The following ASH1L variants were observed in gnomAD, a reference collection of about 807,000 sequenced individuals.
ASH1L encodes the protein histone-lysine N-methyltransferase ASH1L.
In ASH1L, 23 loss-of-function variants were observed where a neutral mutation model predicts 269.0. The ratio of observed to expected loss-of-function variants is 0.09; its 90% confidence interval spans 0.06 to 0.12. The LOEUF is 0.12. Ranked by LOEUF, ASH1L falls within the 10% of genes least tolerant of loss-of-function variation. ASH1L has a pLI of 1.00. For missense variants in ASH1L, 2,912 were observed against 3,567.8 expected (o/e 0.82, Z 4.68); for synonymous variants, 1,187 against 1,253.5 (o/e 0.95, Z 1.12).
At chr1:155,412,985 T>C (rs752481381) in intron 6 of ASH1L, among the ~76,000 whole-genome samples, 7 of 152,030 alleles carry the variant, frequency 4.6e-5, no homozygotes, top group Non-Finnish European at 7.4e-5. Flanking sequence ...TATTGTGATG[T>C]GACAGCAGAG....
At chr1:155,461,676 T>A (rs1278508332) in intron 3 of ASH1L, among the ~76,000 whole-genome samples, 1 of 151,992 alleles carries the variant, frequency 6.6e-6, no homozygotes, top group African/African-American at 2.4e-5. Context: ...TACAGACAGA[T>A]ACATATTTCC....
At chr1:155,386,382 A>G (rs1026087890) in intron 7 of ASH1L, among the ~76,000 whole-genome samples, 2 of 150,932 alleles carry the variant, frequency 1.3e-5, no homozygotes, top group Non-Finnish European at 3.0e-5. Context: ...GTCTTTAAAA[A>G]AATTTTATTA....
At chr1:155,394,457 A>C (rs1443169760) in intron 7 of ASH1L, among the ~76,000 whole-genome samples, 1 of 152,208 alleles carries the variant, frequency 6.6e-6, no homozygotes, top group Non-Finnish European at 1.5e-5. Flanking sequence ...TGGAAACACA[A>C]CTGGAAATAG....
intron 1 of ASH1L, among the ~76,000 whole-genome samples, chr1:155,551,227 T>C (rs188587198): frequency 1.2e-4 from 18 of 152,304 alleles, no homozygotes; most frequent in Admixed American, 1.1e-3. Flanking sequence ...AAGGACTAAC[T>C]ATCCAATGGA....
Position 155,477,961 on chromosome 1 carries a change from G to C in ASH1L, c.4909C>G (p.Gln1637Glu), listed in dbSNP as rs773209838. The C allele has an allele frequency of 6.2e-7, 1 of 1,614,200 alleles. No homozygotes were observed. The highest frequency in any genetic ancestry group is 2.2e-5 in the East Asian group (1 of 44,888). Reference protein sequence around the residue: ...LTDSPGLFSAQDTSLNRLHRK... With the variant: ...LTDSPGLFSAEDTSLNRLHRK... The stretch of plus-strand genomic sequence containing the variant: ...TGAAGCCGATTTAGTGAAGTGTCCT[G>C]TGCAGAAAAGAGTCCAGGGCTGTCA... Residue 1637 changes from glutamine (Q) to glutamate (E), a missense_variant, in exon 3 of 28, where the codon CAG becomes GAG. Gln to Glu is a conservative substitution (Grantham distance 29). Around this residue, in one of 13 missense-constraint regions of ASH1L, gnomAD observed 789 missense variants for 897.6 expected, o/e 0.88. Coordinates refer to ENST00000392403, the MANE Select transcript of ASH1L (RefSeq NM_018489.3).
intron 1 of ASH1L, among the ~76,000 whole-genome samples, chr1:155,524,800 A>T (rs934158017): frequency 6.6e-6 from 1 of 152,116 alleles, no homozygotes; most frequent in African/African-American, 2.4e-5. Flanking sequence ...TGATTGTACC[A>T]CTACACTCTA....
In ASH1L at chr1:155,478,964, C is replaced by T; in HGVS notation, c.3906G>A (p.Arg1302=). 1 of 1,613,628 alleles carries T rather than the reference C, an allele frequency of 6.2e-7. No individual in the cohort carries two copies. The highest frequency in any genetic ancestry group is 2.2e-5 in the East Asian group (1 of 44,876). The change falls in exon 3 of 28, where the codon CGG becomes CGA. Residue 1302 remains arginine, a synonymous_variant. Transcript: ENST00000392403. This position sits in a 1 kb window ranked among gnomAD's most constrained non-coding sequence, Gnocchi z 4.6. ...TAAAATGATGACTTCGATGAGTGAT[C>T]CGAATTTCACTTAGGCGACTTATTA... ...EELISRLSEI[R]ITHRSHHFIP... is the part of the protein sequence containing the mutation.
intron 4 of ASH1L, among the ~76,000 whole-genome samples, chr1:155,444,818 C>T (rs984022153): frequency 3.5e-5 from 5 of 143,102 alleles, no homozygotes; most frequent in Non-Finnish European, 7.4e-5. Context: ...GGGGTTTCAC[C>T]GTTTTAGCCG....
At chr1:155,484,649 C>T (rs1331864053) in intron 2 of ASH1L, among the ~76,000 whole-genome samples, 1 of 151,878 alleles carries the variant, frequency 6.6e-6, no homozygotes, top group African/African-American at 2.4e-5. Context: ...AGCAAGCCAG[C>T]CAGGCGCAGT....
chr1:155,348,806 G>A (rs573364322), intron 19 of ASH1L, among the ~76,000 whole-genome samples: 13 of 151,718 alleles, frequency 8.6e-5, no homozygotes, highest in African/African-American at 3.1e-4. Flanking sequence ...GCTTGAACCC[G>A]GGAGGTGGAG....
At chr1:155,443,557 C>T (rs1293713415) in intron 4 of ASH1L, among the ~76,000 whole-genome samples, 1 of 152,038 alleles carries the variant, frequency 6.6e-6, no homozygotes, top group Non-Finnish European at 1.5e-5. Context: ...TTTCTGTCAC[C>T]CTAAAAAGTT....
At chr1:155,492,620 G>A (rs913303946) in intron 2 of ASH1L, among the ~76,000 whole-genome samples, 1 of 151,476 alleles carries the variant, frequency 6.6e-6, no homozygotes, top group African/African-American at 2.4e-5. Flanking sequence ...ATTCTTATTC[G>A]TATTTGGATC....
chr1:155,352,807 G>A lies in ASH1L; in HGVS notation c.7265C>T (p.Thr2422Ile), dbSNP rs1338292426. 1 of 1,614,140 alleles carries A rather than the reference G, an allele frequency of 6.2e-7. No individual in the cohort carries two copies. The highest frequency in any genetic ancestry group is 2.2e-5 in the East Asian group (1 of 44,894). The change falls in exon 17 of 28, where the codon ACA becomes ATA. Residue 2422 changes from threonine (T) to isoleucine (I), a missense_variant. Physicochemically the swap from Thr to Ile is moderately conservative, Grantham distance 89. Around this residue, in one of 13 missense-constraint regions of ASH1L, gnomAD observed 309 missense variants for 435.1 expected, o/e 0.71. Transcript: ENST00000392403. ...TTCCTCTGCAGCTGCCAACCGTCTT[G>A]TTCGAACAGATCGAGCTGTCTGCAG... ...SALQTARSVR[T>I]RRLAAAEENI...
intron 12 of ASH1L, among the ~76,000 whole-genome samples, chr1:155,361,566 G>A (rs956123725): frequency 1.4e-5 from 2 of 146,642 alleles, no homozygotes; most frequent in African/African-American, 5.0e-5. Flanking sequence ...AGGCATGGTG[G>A]CATGTGCCTA....
Position 155,478,619 on chromosome 1 carries a change from G to A in ASH1L, c.4251C>T (p.Phe1417=), listed in dbSNP as rs932631470. Residue 1417 remains phenylalanine (F), a synonymous_variant, in exon 3 of 28, where the codon TTC becomes TTT. Transcript: ENST00000392403. This position sits in a 1 kb window ranked among gnomAD's most constrained non-coding sequence, Gnocchi z 4.6. ...AGGAAGGAGGTGGAAGTGGCGTGGT[G>A]AAAGAAGGAGATGGAGGAGGTGGAT... is the stretch of plus-strand genomic sequence containing the variant. ...TLYPPPPSPS[F]TTPLPPPSYM... The A allele has an allele frequency of 1.2e-6, 2 of 1,613,940 alleles. No individual in the cohort carries two copies. The highest frequency in any genetic ancestry group is 1.7e-6 in the Non-Finnish European group (2 of 1,180,030).
intron 4 of ASH1L, among the ~76,000 whole-genome samples, chr1:155,444,908 CG>C (rs1412098161): frequency 7.3e-6 from 1 of 137,904 alleles, no homozygotes; most frequent in Admixed American, 6.7e-5. Flanking sequence ...TGAGCCACCG[CG>C]CCCGGCCAAG....
At chr1:155,555,596 G>GT (rs1199086440) in intron 1 of ASH1L, among the ~76,000 whole-genome samples, 1 of 151,162 alleles carries the variant, frequency 6.6e-6, no homozygotes, top group Non-Finnish European at 1.5e-5. Context: ...CTAAAAAACT[G>GT]TAAGAAACCC....
chr1:155,353,232 C>G (rs1404648208), intron 16 of ASH1L, among the ~76,000 whole-genome samples: 1 of 152,188 alleles, frequency 6.6e-6, no homozygotes, highest in African/African-American at 2.4e-5. Flanking sequence ...AATGGTAGTA[C>G]TTCCCTCATA....
chr1:155,400,924 C>A (rs1221156583), intron 6 of ASH1L, among the ~76,000 whole-genome samples: 1 of 152,152 alleles, frequency 6.6e-6, no homozygotes, highest in Non-Finnish European at 1.5e-5. Context: ...CTTTGGGAGG[C>A]TGAGTCAGGC....
Sources: allele counts gnomAD v4.1 joint callset (sites outside exome capture counted in the v4.1 genomes callset), GRCh38; gene constraint gnomAD v4.1.1; regional missense constraint gnomAD v4.1.1; non-coding constraint Gnocchi (gnomAD v3.1); transcripts MANE v1.5; gene names NCBI Gene and HGNC (gene_info 2026-07-23, HGNC 2026-07-21).